Variants in SYNE2 observed in about 807,000 individuals in gnomAD.
SYNE2 encodes the protein nesprin-2.
A neutral mutation model predicts 856.3 loss-of-function variants in SYNE2; 431 were observed. The ratio of observed to expected loss-of-function variants is 0.50; its 90% CI spans 0.47 to 0.55. The LOEUF is 0.55. SYNE2 is among the 20% of genes least tolerant of loss of function. The pLI is 0.00. For missense variants in SYNE2, 8,129 were observed against 8,023.2 expected (o/e 1.01, Z -0.50); for synonymous variants, 2,923 against 2,872.3 (o/e 1.02, Z -0.56).
intron 14 of SYNE2, among the ~76,000 whole-genome samples, 195 bp downstream of exon 14, chr14:63,979,209 A>G (rs1046781365): frequency 2.6e-5 from 4 of 152,234 alleles, no homozygotes; most frequent in African/African-American, 7.2e-5. Context: ...GAGTAAAAAT[A>G]TAGAAAATAT....
chr14:64,166,026 A>C (rs896308243), intron 90 of SYNE2, among the ~76,000 whole-genome samples: 2 of 151,912 alleles, frequency 1.3e-5, no homozygotes, highest in Non-Finnish European at 2.9e-5. Flanking sequence ...AGTTTAATAT[A>C]AAAAAAATTC....
At chr14:63,893,586 A>G (rs919521485) in intron 1 of SYNE2, among the ~76,000 whole-genome samples, 1 of 152,218 alleles carries the variant, frequency 6.6e-6, no homozygotes, top group Non-Finnish European at 1.5e-5. Flanking sequence ...ACTTTCTTCA[A>G]CAACATTGCT....
In SYNE2 at chr14:63,906,300, AG is replaced by A. The variant is rs376589728; in HGVS notation, c.-51-2796del. On this transcript the variant is annotated intron_variant, in intron 1 of 115. Transcript: ENST00000555002. ...TGTGTCTTTGCCAAATTTTGGTATT[AG>A]GCTGATGCTGGCTTCATAGTATGAG... Among the ~76,000 whole-genome samples, 22 of 152,306 alleles carry A rather than the reference AG, an allele frequency of 1.4e-4. No homozygotes were observed. The East Asian group carries it at 3.7e-3, about 25-fold the overall frequency.
At chr14:63,999,874 A>G (rs2096740762) in intron 27 of SYNE2, among the ~76,000 whole-genome samples, 1 of 152,172 alleles carries the variant, frequency 6.6e-6, no homozygotes, top group Admixed American at 6.5e-5. Flanking sequence ...AATAAGCAAA[A>G]TTTATATGTT....
At chr14:64,080,399 T>C (rs1000000251) in intron 55 of SYNE2, 57 bp from the exon 56 acceptor site, 41 of 1,554,800 alleles carry the variant, frequency 2.6e-5, no homozygotes, top group Middle Eastern at 1.7e-4. Context: ...AAACCAGGCA[T>C]TGCCTCCATA....
intron 26 of SYNE2, 100 bp downstream of exon 26, chr14:63,998,428 T>C: frequency 1.3e-6 from 1 of 787,844 alleles, no homozygotes; most frequent in Non-Finnish European, 2.2e-6. Flanking sequence ...TTAGTCGTCA[T>C]TTTGCATATG....
rs561659673 is a variant in SYNE2, at chr14:64,113,695, G to T, written c.12840+124G>T. Reference sequence around the variant, plus strand: ...TACTCTGACCCTTACATTTATCTTGGCCTCAGCTTTTAGTTCTCAGGGTAA... The same window carrying T: ...TACTCTGACCCTTACATTTATCTTGTCCTCAGCTTTTAGTTCTCAGGGTAA... On this transcript the variant is annotated intron_variant, in intron 66 of 115. Coordinates refer to ENST00000555002, the MANE Select transcript of SYNE2 (RefSeq NM_182914.3). The T allele has an allele frequency of 2.7e-5, 29 of 1,087,652 alleles. No individual in the cohort carries two copies. The East Asian group carries it at 7.2e-4, about 27-fold the overall frequency. The allele number at this position is 1,087,652 out of a possible 1,614,324, so 67.4% of individuals were successfully genotyped here. A position where few individuals can be genotyped will look rare whatever the true frequency, so the allele number is the denominator to read the frequency against.
intron 27 of SYNE2, 62 bp from the exon 28 acceptor site, chr14:64,000,500 A>G: frequency 1.4e-6 from 2 of 1,448,402 alleles, no homozygotes; most frequent in Middle Eastern, 1.8e-4. Context: ...ATGTTTTAAG[A>G]ACAGAATAAT....
intron 11 of SYNE2, among the ~76,000 whole-genome samples, chr14:63,969,660 A>C (rs2096449404): frequency 6.6e-6 from 1 of 151,842 alleles, no homozygotes; most frequent in Admixed American, 6.6e-5. Context: ...TTTATGGCTG[A>C]ATAGTACTCC....
intron 81 of SYNE2, 126 bp from the exon 82 acceptor site, chr14:64,141,816 T>G (rs2098141259): frequency 4.6e-6 from 6 of 1,306,322 alleles, no homozygotes; most frequent in Middle Eastern, 2.5e-4. Flanking sequence ...GGGTTTGTTT[T>G]TTTTTTGAGT....
rs112462542 is a variant in SYNE2 at position 63,822,139 on chromosome 14, C to T, written c.-304-30362C>T. ...CTGGGAGGCAGAGGTTGCTGTGAGC[C>T]GAGATCACACCATTTCACTCCAGCC... On this transcript the variant is annotated intron_variant, in intron 1 of 23. Transcript: ENST00000674003. 6.0e-3 allele frequency among the ~76,000 whole-genome samples: 903 copies of T among 151,580 alleles called. 6 individuals are homozygous for T. The highest frequency in any genetic ancestry group is 0.02 in the African/African-American group (806 of 41,242).
intron 100 of SYNE2, chr14:64,208,306 C>A: frequency 2.7e-6 from 1 of 374,046 alleles, no homozygotes; most frequent in Non-Finnish European, 5.2e-6. Context: ...TTGAAGAGTT[C>A]GGTAGCTGAT....
intron 1 of SYNE2, among the ~76,000 whole-genome samples, chr14:63,806,594 A>T (rs1888369376): frequency 6.6e-6 from 1 of 152,044 alleles, no homozygotes; most frequent in African/African-American, 2.4e-5. Context: ...GTTTCTTCCT[A>T]GTTCAATCTT....
At chr14:63,852,418 G>C (rs1890611375), upstream of SYNE2, among the ~76,000 whole-genome samples, 3 of 152,128 alleles carry the variant, frequency 2.0e-5, no homozygotes, top group Admixed American at 6.5e-5. Flanking sequence ...TCGGACGACT[G>C]AGACAGCTCT....
intron 2 of SYNE2, 46 bp downstream of exon 2, chr14:63,909,273 C>A: frequency 1.5e-6 from 2 of 1,325,274 alleles, no homozygotes; most frequent in African/African-American, 1.5e-5. Flanking sequence ...ACTGGGGAAA[C>A]CTTACTTTTA....
intron 44 of SYNE2, 59 bp downstream of exon 44, chr14:64,030,118 A>G (rs1454615163): frequency 6.5e-6 from 10 of 1,534,472 alleles, no homozygotes; most frequent in Non-Finnish European, 8.1e-6. Context: ...TGTTAATTAC[A>G]GTGTGATTAA....
At chr14:63,768,399 A>G (rs941317252) in intron 1 of SYNE2, among the ~76,000 whole-genome samples, 1 of 152,176 alleles carries the variant, frequency 6.6e-6, no homozygotes, top group African/African-American at 2.4e-5. Flanking sequence ...TCCCTTTTTT[A>G]GTACTTACCC....
In SYNE2 at chr14:64,216,295, T is replaced by C; in HGVS notation, c.19450T>C (p.Ser6484Pro). 2 of 1,614,182 alleles carry C rather than the reference T, an allele frequency of 1.2e-6. No homozygotes were observed. The highest frequency in any genetic ancestry group is 1.7e-6 in the Non-Finnish European group (2 of 1,180,048). ...GHSWHVPDSP[S>P]CPEHHYKQME... ...CTCGTGGCATGTTCCCGACAGCCCT[T>C]CCTGTCCCGAGCATCACTACAAGCA... Residue 6484 changes from serine to proline, a missense_variant, in exon 108 of 116, where the codon TCC becomes CCC. Around this residue, in one of 3 missense-constraint regions of SYNE2, gnomAD observed 5,410 missense variants for 5,284.8 expected, o/e 1.02. Transcript: ENST00000555002.
chr14:64,177,546 G>A, intron 96 of SYNE2, 63 bp downstream of exon 96: 4 of 1,603,758 alleles, frequency 2.5e-6, no homozygotes, highest in Non-Finnish European at 3.4e-6. Context: ...ACTTTGAAGT[G>A]CTTCTTTGCC....
Sources: gnomAD v4.1 joint callset for allele counts (sites outside exome capture counted in the v4.1 genomes callset) on GRCh38, gnomAD v4.1.1 for gene constraint, gnomAD v4.1.1 regional missense constraint, MANE v1.5 for transcripts, NCBI Gene and HGNC (gene_info 2026-07-23, HGNC 2026-07-21) for gene names.